Variants in GFRA1 observed in about 807,000 individuals in gnomAD.
GFRA1 encodes GDNF family receptor alpha-1.
GFRA1 carries 16 observed loss-of-function variants against 51.6 expected under a neutral mutation model. That is an observed-to-expected ratio of 0.31 (90% confidence interval 0.21 to 0.47). The LOEUF (loss-of-function observed/expected upper bound fraction) is 0.47. Ranked by LOEUF, GFRA1 falls within the 20% of genes least tolerant of loss-of-function variation. The pLI, the probability that GFRA1 is intolerant of heterozygous loss-of-function variation, is 1.00. For synonymous variants in GFRA1, 270 were observed against 241.3 expected (o/e 1.12, Z -1.10); for missense variants, 530 against 594.3 (o/e 0.89, Z 1.13).
intron 5 of GFRA1, among the ~76,000 whole-genome samples, chr10:116,175,225 T>C (rs1363643752): frequency 1.3e-5 from 2 of 152,196 alleles, no homozygotes; most frequent in African/African-American, 4.8e-5. Flanking sequence ...AATGTCAGCT[T>C]TCCTCCAGGT....
At position 116,089,816 on chromosome 10, in the gene GFRA1, C is replaced by G. The variant is rs551625241; in HGVS notation, c.1122G>C (p.Lys374Asn). ...TATTTTALRV[K>N]NKPLGPAGSE... The stretch of plus-strand genomic sequence containing the variant: ...ACCCTGCTGGCCCCAGGGGCTTGTT[C>G]TTAACCCGGAGGGCAGTGGTGGTAG... Residue 374 changes from lysine (K) to asparagine (N), a missense_variant, in exon 9 of 11, where the codon AAG (lysine) becomes AAC (asparagine). Physicochemically the swap from Lys to Asn is moderately conservative, Grantham distance 94. Transcript: ENST00000355422. The G allele has an allele frequency of 5.0e-6, 8 of 1,614,134 alleles. No individual in the cohort carries two copies. In the African/African-American group the frequency reaches 1.1e-4, roughly 22 times the overall value.
chr10:116,093,822 G>A lies in GFRA1; in HGVS notation c.895C>T (p.Pro299Ser), dbSNP rs1433430946. The part of the protein sequence containing the change: ...YSGLIGTVMT[P>S]NYIDSSSLSV... ...AGGCTACTGGAGTCTATGTAGTTGG[G>A]GGTCATGACTGTGCCTAAAAGAATA... The change falls in exon 8 of 11, where the codon CCC becomes TCC. Residue 299 changes from proline to serine, a missense_variant. Physicochemically the swap from Pro to Ser is moderately conservative, Grantham distance 74. Coordinates refer to ENST00000355422, the MANE Select transcript of GFRA1 (RefSeq NM_005264.8). 1 of 1,614,026 alleles carries A rather than the reference G, an allele frequency of 6.2e-7. No individual in the cohort carries two copies. The highest frequency in any genetic ancestry group is 8.5e-7 in the Non-Finnish European group (1 of 1,179,930).
chr10:116,139,117 A>T (rs2134084866), intron 5 of GFRA1, among the ~76,000 whole-genome samples: 1 of 152,300 alleles, frequency 6.6e-6, no homozygotes, highest in South Asian at 2.1e-4. Flanking sequence ...TGTGGCTGAG[A>T]GTTTGCTGAG....
intron 5 of GFRA1, among the ~76,000 whole-genome samples, chr10:116,187,570 C>T (rs893982241): frequency 6.6e-6 from 1 of 152,174 alleles, no homozygotes; most frequent in Admixed American, 6.5e-5. Flanking sequence ...AATGAAGGAA[C>T]TCACCCAAAA....
intron 4 of GFRA1, among the ~76,000 whole-genome samples, chr10:116,221,376 T>A (rs1287210242): frequency 6.6e-6 from 1 of 152,144 alleles, no homozygotes; most frequent in Non-Finnish European, 1.5e-5. Flanking sequence ...AACAAATAAA[T>A]ATGCCTCGTC....
At chr10:116,252,954 G>T (rs182655380) in intron 4 of GFRA1, among the ~76,000 whole-genome samples, 1 of 152,304 alleles carries the variant, frequency 6.6e-6, no homozygotes, top group East Asian at 1.9e-4. Context: ...CTATAGCACT[G>T]CACCCCCCGG....
At chr10:116,221,073 A>G (rs1004115928) in intron 4 of GFRA1, among the ~76,000 whole-genome samples, 4 of 152,288 alleles carry the variant, frequency 2.6e-5, no homozygotes, top group Non-Finnish European at 4.4e-5. Context: ...AATATTAATA[A>G]TAACTAATAT....
chr10:116,082,998 A>G (rs1429764223), intron 9 of GFRA1, among the ~76,000 whole-genome samples: 2 of 152,174 alleles, frequency 1.3e-5, no homozygotes, highest in East Asian at 1.9e-4. Context: ...GCATACTTGC[A>G]CTGTTCTTTA....
intron 9 of GFRA1, among the ~76,000 whole-genome samples, chr10:116,078,105 A>AT (rs767741778): frequency 9.2e-5 from 14 of 151,984 alleles, no homozygotes; most frequent in Admixed American, 2.6e-4. Context: ...TTAAATTCCT[A>AT]TTTTTTGTAC....
chr10:116,183,616 CT>C (rs1315449199), intron 5 of GFRA1, among the ~76,000 whole-genome samples: 1 of 152,152 alleles, frequency 6.6e-6, no homozygotes, highest in African/African-American at 2.4e-5. Flanking sequence ...CTGGTTCTCC[CT>C]TTCCCCAGCC....
intron 9 of GFRA1, among the ~76,000 whole-genome samples, chr10:116,072,613 T>C (rs993423136): frequency 6.6e-6 from 1 of 151,952 alleles, no homozygotes; most frequent in Non-Finnish European, 1.5e-5. Flanking sequence ...TACAAAAAAT[T>C]AGCCGGGCAT....
intron 5 of GFRA1, among the ~76,000 whole-genome samples, chr10:116,206,458 A>G (rs1385879475): frequency 6.6e-6 from 1 of 152,146 alleles, no homozygotes; most frequent in African/African-American, 2.4e-5. Flanking sequence ...CCGACAATTA[A>G]CAGGCTTGGC....
In GFRA1 at chr10:116,058,939, C is replaced by T. The variant is rs551672873; in HGVS notation, c.*5459G>A. On this transcript the variant is annotated 3_prime_UTR_variant, in exon 11 of 11. Transcript: ENST00000355422. The stretch of plus-strand genomic sequence containing the variant: ...GCGAATTTCCCACAAAGTCTACCCC[C>T]GTTTTGGGCTCTGTCCTTCCTGGCG... 7 of 152,304 alleles carry T rather than the reference C, an allele frequency of 4.6e-5. No homozygotes were observed. The highest frequency in any genetic ancestry group is 2.1e-4 in the South Asian group (1 of 4,822). 9.4% of individuals were successfully genotyped at this position (152,304 alleles called of 1,614,324 possible).
intron 5 of GFRA1, among the ~76,000 whole-genome samples, chr10:116,186,757 G>C (rs901711066): frequency 6.6e-6 from 1 of 152,032 alleles, no homozygotes; most frequent in African/African-American, 2.4e-5. Flanking sequence ...TAACATAAAA[G>C]AAATAAGATT....
intron 7 of GFRA1, 67 bp from the exon 8 acceptor site, chr10:116,093,903 C>T (rs891360958): frequency 6.7e-7 from 1 of 1,483,054 alleles, no homozygotes; most frequent in Admixed American, 1.7e-5. Flanking sequence ...TAAAAAGAAA[C>T]CAATATTCCT....
intron 5 of GFRA1, among the ~76,000 whole-genome samples, chr10:116,148,782 A>T (rs1368272978): frequency 6.6e-6 from 1 of 152,192 alleles, no homozygotes; most frequent in East Asian, 1.9e-4. Context: ...ATACAAGAAG[A>T]AGCTTATTCC....
At chr10:116,111,823 C>T (rs1957224442) in intron 6 of GFRA1, among the ~76,000 whole-genome samples, 1 of 152,200 alleles carries the variant, frequency 6.6e-6, no homozygotes, top group Non-Finnish European at 1.5e-5. Context: ...CAGGCAAAAG[C>T]TGGAGATCCA....
At chr10:116,093,671 C>T (rs372289614) in intron 8 of GFRA1, 31 bp downstream of exon 8, 4 of 1,605,566 alleles carry the variant, frequency 2.5e-6, no homozygotes, top group African/African-American at 1.3e-5. Context: ...AATGCGTTTG[C>T]TCCTTTGTTT....
chr10:116,200,326 A>T (rs1589866857), intron 5 of GFRA1, among the ~76,000 whole-genome samples: 2 of 152,200 alleles, frequency 1.3e-5, no homozygotes, highest in South Asian at 4.1e-4. Context: ...ATGTACTCAT[A>T]AAGAATTCAG....
Sources: gnomAD v4.1 joint callset for allele counts (sites outside exome capture counted in the v4.1 genomes callset) on GRCh38, gnomAD v4.1.1 for gene constraint, MANE v1.5 for transcripts, NCBI Gene and HGNC (gene_info 2026-07-23, HGNC 2026-07-21) for gene names.